The following ABHD12 variants were observed in gnomAD, a reference collection of about 807,000 sequenced individuals.
ABHD12 encodes lysophosphatidylserine lipase ABHD12.
In ABHD12, 43 loss-of-function variants were observed where a neutral mutation model predicts 58.3. The ratio of observed to expected loss-of-function variants is 0.74; its 90% confidence interval spans 0.58 to 0.95. ABHD12 has a LOEUF of 0.95. ABHD12 is among the 40% of genes least tolerant of loss of function. ABHD12 has a pLI of 0.00. For synonymous variants in ABHD12, 219 were observed against 211.2 expected (o/e 1.04, Z -0.32); for missense variants, 539 against 537.2 (o/e 1.00, Z -0.03).
At chr20:25,297,981 C>T (rs892880706), downstream of ABHD12, 1 of 152,236 alleles carries the variant, frequency 6.6e-6, no homozygotes, top group Non-Finnish European at 1.5e-5. Flanking sequence ...GAGATAAAAA[C>T]TGATTAAACC....
At chr20:25,331,029 A>G (rs1400134356) in intron 2 of ABHD12, among the ~76,000 whole-genome samples, 1 of 152,226 alleles carries the variant, frequency 6.6e-6, no homozygotes, top group South Asian at 2.1e-4. Context: ...CTACGGGAGG[A>G]CATTCAAACC....
chr20:25,307,391 C>G (rs531820639), intron 9 of ABHD12, among the ~76,000 whole-genome samples: 1 of 152,222 alleles, frequency 6.6e-6, no homozygotes, highest in Non-Finnish European at 1.5e-5. Context: ...GACACAGGCC[C>G]GAGAATCCAT....
chr20:25,296,750 AAGGGTCGTGGCCAG>A, downstream of ABHD12: 1 of 589,702 alleles, frequency 1.7e-6, no homozygotes, highest in Non-Finnish European at 2.9e-6. Flanking sequence ...TGACAGTACA[AAGGGTCGTGGCCAG>A]CCCTGCAGCT....
chr20:25,329,856 A>C (rs1433290711), intron 2 of ABHD12, among the ~76,000 whole-genome samples: 1 of 152,190 alleles, frequency 6.6e-6, no homozygotes, highest in Non-Finnish European at 1.5e-5. Context: ...GGGATAAGAA[A>C]AGAAAGGTAA....
chr20:25,365,905 TG>T (rs2146096459), intron 1 of ABHD12, among the ~76,000 whole-genome samples: 1 of 152,158 alleles, frequency 6.6e-6, no homozygotes, highest in African/African-American at 2.4e-5. Context: ...CTAAGCATGG[TG>T]GTGTGTGCCT....
chr20:25,336,793 C>G (rs529318899), intron 2 of ABHD12, among the ~76,000 whole-genome samples: 3 of 152,126 alleles, frequency 2.0e-5, no homozygotes, highest in African/African-American at 7.2e-5. Flanking sequence ...TGTGGCTTCC[C>G]GGGGAGGACA....
chr20:25,341,098 TG>T (rs2146039646), intron 1 of ABHD12, among the ~76,000 whole-genome samples: 1 of 152,392 alleles, frequency 6.6e-6, no homozygotes, highest in East Asian at 1.9e-4. Context: ...CTCATTTTCC[TG>T]GTTCATTCAG....
At chr20:25,305,753 A>C (rs2088725467) in intron 10 of ABHD12, among the ~76,000 whole-genome samples, 1 of 152,216 alleles carries the variant, frequency 6.6e-6, no homozygotes, top group Non-Finnish European at 1.5e-5. Context: ...TTAAAAAAAG[A>C]ACCCTTAACT....
intron 1 of ABHD12, among the ~76,000 whole-genome samples, chr20:25,370,827 AT>A (rs977186222): frequency 6.0e-5 from 9 of 150,500 alleles, no homozygotes; most frequent in African/African-American, 2.2e-4. Context: ...ATTTTTATTA[AT>A]TCTTCTTGTG....
chr20:25,366,529 G>C (rs1362020561), intron 1 of ABHD12, among the ~76,000 whole-genome samples: 1 of 152,132 alleles, frequency 6.6e-6, no homozygotes, highest in Non-Finnish European at 1.5e-5. Flanking sequence ...GCTTCCCAAA[G>C]TGCTGGGATT....
intron 1 of ABHD12, among the ~76,000 whole-genome samples, chr20:25,342,455 T>G (rs1600827525): frequency 6.1e-5 from 1 of 16,462 alleles, no homozygotes; most frequent in Admixed American, 7.0e-4. Context: ...AGATACCACA[T>G]TTTTTTTTTT....
At chr20:25,331,884 G>T (rs951198067) in intron 2 of ABHD12, among the ~76,000 whole-genome samples, 1 of 151,904 alleles carries the variant, frequency 6.6e-6, no homozygotes, top group Non-Finnish European at 1.5e-5. Context: ...AGACTAGGAA[G>T]AAACTGCATC....
chr20:25,319,102 G>A (rs540750962), intron 4 of ABHD12, among the ~76,000 whole-genome samples: 96 of 152,324 alleles, frequency 6.3e-4, no homozygotes, highest in African/African-American at 2.0e-3. Flanking sequence ...CCCTGTCTCC[G>A]TGCTGGGTCT....
At chr20:25,354,362 G>T (rs1748345928) in intron 1 of ABHD12, among the ~76,000 whole-genome samples, 2 of 152,200 alleles carry the variant, frequency 1.3e-5, no homozygotes, top group African/African-American at 2.4e-5. Context: ...GGGGAGAACT[G>T]GGGGGCAGGG....
intron 3 of ABHD12, among the ~76,000 whole-genome samples, chr20:25,320,958 G>A (rs189080554): frequency 4.6e-5 from 7 of 152,262 alleles, no homozygotes; most frequent in African/African-American, 7.2e-5. Context: ...AGGCCACATC[G>A]AATACTGTTA....
At chr20:25,358,973 C>A (rs1475614957) in intron 1 of ABHD12, among the ~76,000 whole-genome samples, 5 of 151,820 alleles carry the variant, frequency 3.3e-5, no homozygotes, top group Admixed American at 3.3e-4. Flanking sequence ...AAAGTTATAA[C>A]CAAAATGTTA....
intron 6 of ABHD12, among the ~76,000 whole-genome samples, chr20:25,313,308 T>G (rs2088897461): frequency 6.6e-6 from 1 of 152,304 alleles, no homozygotes; most frequent in Non-Finnish European, 1.5e-5. Context: ...CTCTGAAACA[T>G]GTGCTGTGTC....
intron 4 of ABHD12, among the ~76,000 whole-genome samples, chr20:25,319,575 A>G (rs986544801): frequency 6.6e-6 from 1 of 152,118 alleles, no homozygotes; most frequent in African/African-American, 2.4e-5. Context: ...TGCCACCTGG[A>G]GCTATCTTAC....
At chr20:25,372,260 T>G (rs2089908433) in intron 1 of ABHD12, among the ~76,000 whole-genome samples, 2 of 152,048 alleles carry the variant, frequency 1.3e-5, no homozygotes, top group Admixed American at 1.3e-4. Flanking sequence ...CTCTGTCACC[T>G]GCGCTTAAGT....
Sources: gnomAD v4.1 joint callset for allele counts (sites outside exome capture counted in the v4.1 genomes callset) on GRCh38, gnomAD v4.1.1 for gene constraint, MANE v1.5 for transcripts, NCBI Gene and HGNC (gene_info 2026-07-23, HGNC 2026-07-21) for gene names.